Variants in EML5 observed in about 807,000 individuals in gnomAD.
The protein encoded by EML5 is echinoderm microtubule-associated protein-like 5.
EML5 carries 120 observed loss-of-function variants against 250.0 expected under a neutral mutation model. The observed-to-expected ratio is 0.48, with a 90% CI of 0.41 to 0.56. The LOEUF (loss-of-function observed/expected upper bound fraction) is 0.56. Ranked by LOEUF, EML5 falls within the 20% of genes least tolerant of loss-of-function variation. The pLI, the probability that EML5 is intolerant of heterozygous loss-of-function variation, is 0.00. For synonymous variants in EML5, 771 were observed against 806.5 expected (o/e 0.96, Z 0.75); for missense variants, 2,006 against 2,437.6 (o/e 0.82, Z 3.73).
In EML5 at chr14:88,792,411, A is replaced by C. The variant is rs2094619940; in HGVS notation, c.93T>G (p.Thr31=). The part of the protein sequence containing the change: ...GHQCRNNLYY[T]AAKEIVYFVA... ...CGAAGTATACGATCTCCTTGGCCGC[A>C]GTGTAGTAGAGGTTGTTGCGGCACT... Residue 31 remains threonine, a synonymous_variant, in exon 1 of 44, where the codon ACT becomes ACG. Coordinates refer to ENST00000554922, the MANE Select transcript of EML5 (RefSeq NM_183387.3). This position sits in a 1 kb window ranked among gnomAD's most constrained non-coding sequence, Gnocchi z 6.9. 2.6e-6 allele frequency: 4 copies of C among 1,559,468 alleles called. No individual in the cohort carries two copies. Among genetic ancestry groups the C allele is most frequent in the Non-Finnish European group, 3.5e-6 (4 of 1,153,996 alleles).
In EML5 at chr14:88,620,605, C is replaced by CA; in HGVS notation, c.5375+148dup. The CA allele has an allele frequency of 1.6e-6, 1 of 633,734 alleles. No homozygotes were observed. 39.3% of individuals were successfully genotyped at this position (633,734 alleles called of 1,614,324 possible). A position where few individuals can be genotyped will look rare whatever the true frequency, so the allele number is the denominator to read the frequency against. ...TTAGCAAGAAGAATTAAGTAGTATA[C>CA]AAACAGCCATATTTTAGCATACAAT... On this transcript the variant is annotated intron_variant, in intron 39 of 43. Transcript: ENST00000554922. This position sits in a 1 kb window ranked among gnomAD's most constrained non-coding sequence, Gnocchi z 4.3.
chr14:88,627,302 C>G (rs1159185395), intron 34 of EML5: 24 of 516,582 alleles, frequency 4.6e-5, no homozygotes, highest in Non-Finnish European at 4.8e-5. Context: ...TATTATCCTG[C>G]TGATCTGCCA....
intron 21 of EML5, among the ~76,000 whole-genome samples, chr14:88,672,286 C>T (rs113066740): frequency 0.02 from 3,030 of 152,188 alleles, 96 homozygotes; most frequent in African/African-American, 0.066. Context: ...ACAACCTGCT[C>T]CTAAATGACT....
chr14:88,636,146 A>G (rs1466189010), intron 32 of EML5, among the ~76,000 whole-genome samples: 1 of 152,172 alleles, frequency 6.6e-6, no homozygotes, highest in Admixed American at 6.5e-5. Context: ...GAGTATACAC[A>G]TTGGTTGTAC....
chr14:88,792,495 GGCC>G lies in EML5; in HGVS notation c.6_8del (p.Ala3del), dbSNP rs2094621091. ...GCAGGTGGCAGCTCGGGGCGCTCCG[GGCC>G]GCCATGTCGGGGCGCCCACCCGCCG... On this transcript the variant is annotated inframe_deletion, in exon 1 of 44. Transcript: ENST00000554922. This position sits in a 1 kb window ranked among gnomAD's most constrained non-coding sequence, Gnocchi z 6.9. 7.0e-7 allele frequency: 1 copy of G among 1,423,110 alleles called. No individual in the cohort carries two copies. The highest frequency in any genetic ancestry group is 1.5e-5 in the African/African-American group (1 of 68,086). The allele number at this position is 1,423,110 out of a possible 1,614,324, so 88.2% of individuals were successfully genotyped here. A position where few individuals can be genotyped will look rare whatever the true frequency, so the allele number is the denominator to read the frequency against.
At chr14:88,682,061 G>C in intron 20 of EML5, 30 bp from the exon 21 acceptor site, 1 of 1,535,524 alleles carries the variant, frequency 6.5e-7, no homozygotes, top group South Asian at 1.3e-5. Flanking sequence ...TCAATTTAGT[G>C]TATGTGTGTG....
At chr14:88,713,756 T>A (rs1395681103) in intron 9 of EML5, among the ~76,000 whole-genome samples, 1 of 151,362 alleles carries the variant, frequency 6.6e-6, no homozygotes, top group Non-Finnish European at 1.5e-5. Flanking sequence ...GCACATAGCC[T>A]ATTCCTCTCT....
intron 1 of EML5, among the ~76,000 whole-genome samples, chr14:88,770,501 G>A (rs915929288): frequency 2.6e-5 from 4 of 152,032 alleles, no homozygotes; most frequent in Admixed American, 6.6e-5. Flanking sequence ...TGCTGATGTA[G>A]GTTAAGATAA....
intron 21 of EML5, among the ~76,000 whole-genome samples, chr14:88,673,766 T>C (rs910629758): frequency 6.6e-6 from 1 of 152,206 alleles, no homozygotes; most frequent in African/African-American, 2.4e-5. Context: ...ATGAATGAAT[T>C]CCTGTTCACA....
chr14:88,622,809 T>TC (rs2089247404), intron 36 of EML5, 91 bp from the exon 37 acceptor site: 2 of 865,740 alleles, frequency 2.3e-6, no homozygotes, highest in South Asian at 7.3e-5. Flanking sequence ...CAGAATCTTT[T>TC]TTTTTTAAAA....
intron 17 of EML5, among the ~76,000 whole-genome samples, chr14:88,689,618 C>T (rs10150140): frequency 0.023 from 3,551 of 152,154 alleles, 139 homozygotes; most frequent in African/African-American, 0.082. Context: ...CCTGTGGTCC[C>T]AGCCACTTGA....
chr14:88,642,713 C>G lies in EML5; in HGVS notation c.4237+180G>C, dbSNP rs182750744. Among the ~76,000 whole-genome samples, 59 of 152,282 alleles carry G rather than the reference C, an allele frequency of 3.9e-4. 1 individual carries two copies. The highest frequency in any genetic ancestry group is 1.4e-3 in the African/African-American group (57 of 41,566). On this transcript the variant is annotated intron_variant, in intron 31 of 43. Transcript: ENST00000554922. Reference sequence around the variant, plus strand: ...TCTGCTGTATTATACTCTCTTAAAACTGAAATTTGTTTACTTGAAATATTA... The same window carrying G: ...TCTGCTGTATTATACTCTCTTAAAAGTGAAATTTGTTTACTTGAAATATTA...
At chr14:88,658,530 C>T (rs1486633246) in intron 25 of EML5, 142 bp from the exon 26 acceptor site, 3 of 665,554 alleles carry the variant, frequency 4.5e-6, no homozygotes, top group Non-Finnish European at 7.2e-6. Context: ...AATACTGAAA[C>T]TCAGCAGAAT....
chr14:88,726,991 C>T (rs915881186), intron 7 of EML5, among the ~76,000 whole-genome samples: 1 of 152,176 alleles, frequency 6.6e-6, no homozygotes, highest in Non-Finnish European at 1.5e-5. Flanking sequence ...GCCTCAGCCT[C>T]ATGAGAAGCT....
intron 35 of EML5, chr14:88,626,616 CAA>C (rs34372433): frequency 0.04 from 18,419 of 463,298 alleles, no homozygotes; most frequent in East Asian, 0.063. Flanking sequence ...GATACTGTGT[CAA>C]AAAAAAAAAA....
chr14:88,792,484 G>A lies in EML5; in HGVS notation c.20C>T (p.Pro7Leu). Residue 7 changes from proline (P) to leucine (L), a missense_variant, in exon 1 of 44, where the codon CCG (proline) becomes CTG (leucine). Physicochemically the swap from Pro to Leu is moderately conservative, Grantham distance 98 (BLOSUM62 -3). This residue lies in a region of EML5 where 162 missense variants were observed against 212.2 expected (regional missense o/e 0.76). Coordinates refer to ENST00000554922, the MANE Select transcript of EML5 (RefSeq NM_183387.3). The surrounding 1 kb of genome is among the most constrained non-coding windows in gnomAD (Gnocchi z 6.9). MAARSA[P>L]SCHLRLEWVY... is the part of the protein sequence containing the mutation. ...CCACTCGAGCCGCAGGTGGCAGCTC[G>A]GGGCGCTCCGGGCCGCCATGTCGGG... 1 of 1,456,120 alleles carries A rather than the reference G, an allele frequency of 6.9e-7. No individual in the cohort carries two copies. Among genetic ancestry groups the A allele is most frequent in the African/African-American group, 1.5e-5 (1 of 68,592 alleles). 90.2% of individuals were successfully genotyped at this position (1,456,120 alleles called of 1,614,324 possible). A position where few individuals can be genotyped will look rare whatever the true frequency, so the allele number is the denominator to read the frequency against.
At chr14:88,665,839 T>G (rs975884249) in intron 21 of EML5, among the ~76,000 whole-genome samples, 1 of 151,942 alleles carries the variant, frequency 6.6e-6, no homozygotes, top group African/African-American at 2.4e-5. Context: ...GCCCAGGAGG[T>G]TGAGGGTGCA....
chr14:88,786,421 G>A (rs953421991), intron 1 of EML5, among the ~76,000 whole-genome samples: 5 of 152,178 alleles, frequency 3.3e-5, no homozygotes, highest in African/African-American at 1.2e-4. Flanking sequence ...TATCTCTAGT[G>A]ATAAGAATAG....
chr14:88,628,109 A>G (rs1001644903), intron 33 of EML5, among the ~76,000 whole-genome samples: 3 of 152,184 alleles, frequency 2.0e-5, no homozygotes, highest in Non-Finnish European at 4.4e-5. Context: ...TCAACTTTAA[A>G]CAATTCAAAA....
Sources: gnomAD v4.1 joint callset for allele counts (sites outside exome capture counted in the v4.1 genomes callset) on GRCh38, gnomAD v4.1.1 for gene constraint, gnomAD v4.1.1 regional missense constraint, Gnocchi (gnomAD v3.1) non-coding constraint, MANE v1.5 for transcripts, NCBI Gene and HGNC (gene_info 2026-07-23, HGNC 2026-07-21) for gene names.